The following RAB10 variants were observed in gnomAD, a reference collection of about 807,000 sequenced individuals.
RAB10 encodes the protein ras-related protein Rab-10.
In RAB10, 5 loss-of-function variants were observed where a neutral mutation model predicts 25.7. That is an observed-to-expected ratio of 0.19 (90% CI 0.10 to 0.41). The LOEUF (loss-of-function observed/expected upper bound fraction) is 0.41, where lower values mean the gene tolerates loss of function less well. RAB10 is among the 10% of genes least tolerant of loss of function. RAB10 has a pLI of 1.00. For missense variants in RAB10, 103 were observed against 245.8 expected (o/e 0.42, Z 3.89); for synonymous variants, 89 against 86.4 (o/e 1.03, Z -0.16).
intron 3 of RAB10, among the ~76,000 whole-genome samples, chr2:26,120,967 A>G (rs957306242): frequency 2.0e-5 from 3 of 151,736 alleles, no homozygotes; most frequent in African/African-American, 7.3e-5. Flanking sequence ...GCTGGAGTGC[A>G]GTGGTATCAT....
At chr2:26,126,402 A>AC (rs1372410736) in intron 3 of RAB10, among the ~76,000 whole-genome samples, 4 of 151,700 alleles carry the variant, frequency 2.6e-5, no homozygotes, top group Admixed American at 2.0e-4. Context: ...ACATGGCAAA[A>AC]CCCCCCATCT....
At chr2:26,049,086 A>G (rs1004688504) in intron 1 of RAB10, among the ~76,000 whole-genome samples, 1 of 151,766 alleles carries the variant, frequency 6.6e-6, no homozygotes, top group African/African-American at 2.4e-5. Context: ...TAGATCCCAA[A>G]TATTTTCTTC....
At chr2:26,109,678 T>C in intron 2 of RAB10, 90 bp from the exon 3 acceptor site, 2 of 1,301,968 alleles carry the variant, frequency 1.5e-6, no homozygotes, top group Non-Finnish European at 2.0e-6. Flanking sequence ...TTTTTATATA[T>C]ACTTAGGAAA....
chr2:26,083,794 C>T (rs1666920462), intron 1 of RAB10, among the ~76,000 whole-genome samples: 1 of 152,146 alleles, frequency 6.6e-6, no homozygotes, highest in South Asian at 2.1e-4. Flanking sequence ...GCTGGGATTA[C>T]AGGCGTGAGC....
At chr2:26,094,314 C>T (rs927351470) in intron 1 of RAB10, among the ~76,000 whole-genome samples, 5 of 151,806 alleles carry the variant, frequency 3.3e-5, no homozygotes, top group African/African-American at 9.7e-5. Context: ...TGCAGTGGCA[C>T]GGTCTTGACT....
At chr2:26,051,281 C>A (rs1031416800) in intron 1 of RAB10, among the ~76,000 whole-genome samples, 2 of 130,646 alleles carry the variant, frequency 1.5e-5, no homozygotes, top group African/African-American at 5.7e-5. Context: ...ATACTATTTT[C>A]TCTTCTTGGA....
At chr2:26,109,984 G>A in intron 3 of RAB10, 78 bp downstream of exon 3, 1 of 1,339,096 alleles carries the variant, frequency 7.5e-7, no homozygotes, top group Admixed American at 2.7e-5. Context: ...TATTCCAACT[G>A]ATCTTCAGGA....
Position 26,136,920 on chromosome 2 carries a change from TAATGA to T in RAB10, c.*1905_*1909del, listed in dbSNP as rs1304650410. The T allele has an allele frequency of 6.6e-6, 1 of 152,648 alleles. No homozygotes were observed. Among genetic ancestry groups the T allele is most frequent in the Non-Finnish European group, 1.5e-5 (1 of 68,030 alleles). The allele number at this position is 152,648 out of a possible 1,614,324, so 9.5% of individuals were successfully genotyped here. On this transcript the variant is annotated 3_prime_UTR_variant, in exon 6 of 6. Coordinates refer to ENST00000264710, the MANE Select transcript of RAB10 (RefSeq NM_016131.5). ...AATCCCTAATTTTCCACTAAAAATA[TAATGA>T]AATGATGTTAAGCTTTTTGAAAAGT...
intron 1 of RAB10, among the ~76,000 whole-genome samples, chr2:26,087,424 C>T (rs527375845): frequency 8.5e-5 from 13 of 152,066 alleles, no homozygotes; most frequent in Non-Finnish European, 7.4e-5. Context: ...ATTATTATGA[C>T]GAATTTTCGC....
At chr2:26,060,455 G>A (rs1348945664) in intron 1 of RAB10, among the ~76,000 whole-genome samples, 1 of 152,032 alleles carries the variant, frequency 6.6e-6, no homozygotes, top group Non-Finnish European at 1.5e-5. Context: ...ACCACATCTG[G>A]CTAATTTTTT....
At chr2:26,091,645 G>T (rs1667109000) in intron 1 of RAB10, among the ~76,000 whole-genome samples, 1 of 152,064 alleles carries the variant, frequency 6.6e-6, no homozygotes. Flanking sequence ...GGGTATCTTG[G>T]ATTTGGAGTT....
chr2:26,126,508 G>A (rs1267860906), intron 3 of RAB10, among the ~76,000 whole-genome samples: 3 of 152,124 alleles, frequency 2.0e-5, no homozygotes, highest in Non-Finnish European at 2.9e-5. Context: ...CAGGAGAATC[G>A]CTTGAACTCG....
At chr2:26,056,024 A>G (rs1313004845) in intron 1 of RAB10, among the ~76,000 whole-genome samples, 1 of 151,730 alleles carries the variant, frequency 6.6e-6, no homozygotes, top group Non-Finnish European at 1.5e-5. Flanking sequence ...CCTCCCAAGT[A>G]GCTGGGATGA....
intron 1 of RAB10, among the ~76,000 whole-genome samples, chr2:26,051,523 G>A (rs1666132545): frequency 6.6e-6 from 1 of 151,526 alleles, no homozygotes; most frequent in Non-Finnish European, 1.5e-5. Flanking sequence ...CAAGGTGGGT[G>A]GATCACGAAC....
At chr2:26,107,274 G>A (rs542223608) in intron 2 of RAB10, among the ~76,000 whole-genome samples, 2 of 148,330 alleles carry the variant, frequency 1.3e-5, no homozygotes, top group African/African-American at 2.5e-5. Flanking sequence ...AAGACTAGGT[G>A]AAGAATTCTT....
intron 1 of RAB10, among the ~76,000 whole-genome samples, chr2:26,039,901 G>GTA (rs895021046): frequency 6.6e-6 from 1 of 151,926 alleles, no homozygotes; most frequent in Non-Finnish European, 1.5e-5. Flanking sequence ...TCTCTGGTTT[G>GTA]TAAGCTATGC....
intron 1 of RAB10, among the ~76,000 whole-genome samples, chr2:26,056,727 A>T (rs1239881968): frequency 6.6e-6 from 1 of 152,170 alleles, no homozygotes; most frequent in Non-Finnish European, 1.5e-5. Context: ...TCTCGGGCTC[A>T]AGCAGTCTTA....
intron 1 of RAB10, among the ~76,000 whole-genome samples, chr2:26,075,125 C>A (rs766834807): frequency 6.6e-6 from 1 of 152,086 alleles, no homozygotes; most frequent in Non-Finnish European, 1.5e-5. Flanking sequence ...AGAGTACAGG[C>A]TTCCTGGAGA....
chr2:26,092,357 T>C (rs1667128406), intron 1 of RAB10, among the ~76,000 whole-genome samples: 1 of 150,610 alleles, frequency 6.6e-6, no homozygotes, highest in South Asian at 2.1e-4. Flanking sequence ...CAACAAAGCC[T>C]GTTTGGAAAG....
Sources: gnomAD v4.1 joint callset for allele counts (sites outside exome capture counted in the v4.1 genomes callset) on GRCh38, gnomAD v4.1.1 for gene constraint, MANE v1.5 for transcripts, NCBI Gene and HGNC (gene_info 2026-07-23, HGNC 2026-07-21) for gene names.